The following GAB2 variants were observed in gnomAD, a reference collection of about 807,000 sequenced individuals.
The protein encoded by GAB2 is GRB2 associated binding protein 2, also known as GRB2-associated-binding protein 2.
GAB2 carries 26 observed loss-of-function variants against 65.5 expected under a neutral mutation model. That is an observed-to-expected ratio of 0.40 (90% CI 0.29 to 0.55). The LOEUF (loss-of-function observed/expected upper bound fraction) is 0.55, where lower values mean the gene tolerates loss of function less well. Ranked by LOEUF, GAB2 falls within the 20% of genes least tolerant of loss-of-function variation. GAB2 has a pLI of 0.53. For missense variants in GAB2, 884 were observed against 875.8 expected (o/e 1.01, Z -0.12); for synonymous variants, 321 against 329.6 (o/e 0.97, Z 0.28).
rs914195042 is a variant in GAB2 at position 78,414,966 on chromosome 11, G to C, written c.75+2680C>G. On this transcript the variant is annotated intron_variant, in intron 1 of 9. Coordinates refer to ENST00000361507, the MANE Select transcript of GAB2 (RefSeq NM_080491.3). ...GGCTCACTGCAACCTCAGCCTCCCGGGCTCACGCGATTCTCATGTCTCAGC... is the reference window on the plus strand; with the variant it reads ...GGCTCACTGCAACCTCAGCCTCCCGCGCTCACGCGATTCTCATGTCTCAGC... Among the ~76,000 whole-genome samples, 9 of 152,200 alleles carry C rather than the reference G, an allele frequency of 5.9e-5. No individual in the cohort carries two copies. The East Asian group carries it at 1.7e-3, about 29-fold the overall frequency.
intron 1 of GAB2, among the ~76,000 whole-genome samples, chr11:78,328,728 A>T (rs770820799): frequency 1.0e-4 from 15 of 143,542 alleles, no homozygotes; most frequent in Non-Finnish European, 1.8e-4. Context: ...AGGCAAAACT[A>T]ATCTATGGTA....
chr11:78,301,501 TG>T (rs1241882264), intron 1 of GAB2, among the ~76,000 whole-genome samples: 1 of 152,140 alleles, frequency 6.6e-6, no homozygotes, highest in Admixed American at 6.5e-5. Flanking sequence ...GGCTAATGTT[TG>T]TATTTTTCTT....
intron 3 of GAB2, among the ~76,000 whole-genome samples, chr11:78,236,631 A>C (rs1020443428): frequency 2.6e-5 from 4 of 152,230 alleles, no homozygotes; most frequent in Non-Finnish European, 4.4e-5. Flanking sequence ...AGTTTAAAGA[A>C]GTTCTCCTCA....
intron 1 of GAB2, among the ~76,000 whole-genome samples, chr11:78,324,440 T>C (rs1855786974): frequency 6.6e-6 from 1 of 152,172 alleles, no homozygotes; most frequent in African/African-American, 2.4e-5. Flanking sequence ...AGATTAAATA[T>C]TTAACATTCC....
chr11:78,231,133 G>A (rs1864832714), intron 3 of GAB2, among the ~76,000 whole-genome samples: 1 of 152,158 alleles, frequency 6.6e-6, no homozygotes, highest in South Asian at 2.1e-4. Context: ...ACAGTAAATG[G>A]CAGAGTTGGA....
At chr11:78,320,657 C>T (rs1747690222) in intron 1 of GAB2, among the ~76,000 whole-genome samples, 1 of 150,828 alleles carries the variant, frequency 6.6e-6, no homozygotes, top group Admixed American at 6.6e-5. Flanking sequence ...GGTGCTATGA[C>T]AGCTCACTGC....
intron 1 of GAB2, among the ~76,000 whole-genome samples, chr11:78,389,220 T>C (rs1591081973): frequency 6.6e-6 from 1 of 152,172 alleles, no homozygotes; most frequent in African/African-American, 2.4e-5. Flanking sequence ...CATTTTACTT[T>C]GGGAGAAACA....
At chr11:78,325,115 G>C (rs1316438650) in intron 1 of GAB2, among the ~76,000 whole-genome samples, 1 of 152,184 alleles carries the variant, frequency 6.6e-6, no homozygotes, top group South Asian at 2.1e-4. Context: ...GAACCTTAGA[G>C]ATGGAAGTAA....
At chr11:78,298,357 TGGA>T (rs1004332921) in intron 1 of GAB2, among the ~76,000 whole-genome samples, 2 of 152,290 alleles carry the variant, frequency 1.3e-5, no homozygotes, top group Admixed American at 6.5e-5. Context: ...CTCATTATGA[TGGA>T]GAAGAGAATC....
At chr11:78,358,326 A>G (rs1856388061) in intron 1 of GAB2, among the ~76,000 whole-genome samples, 1 of 150,850 alleles carries the variant, frequency 6.6e-6, no homozygotes, top group Non-Finnish European at 1.5e-5. Context: ...GGATAGCATT[A>G]GGAGATATAC....
At chr11:78,255,121 G>A (rs1271534834) in intron 2 of GAB2, among the ~76,000 whole-genome samples, 1 of 152,130 alleles carries the variant, frequency 6.6e-6, no homozygotes, top group Non-Finnish European at 1.5e-5. Flanking sequence ...CACAGAGACA[G>A]AGAAACACAA....
chr11:78,400,121 T>A (rs1027574910), intron 1 of GAB2, among the ~76,000 whole-genome samples: 2 of 152,184 alleles, frequency 1.3e-5, no homozygotes, highest in African/African-American at 2.4e-5. Flanking sequence ...GCTCTGAACT[T>A]TCAAAACTTC....
At chr11:78,273,235 T>C (rs1365007415) in intron 2 of GAB2, among the ~76,000 whole-genome samples, 4 of 152,164 alleles carry the variant, frequency 2.6e-5, no homozygotes, top group Non-Finnish European at 5.9e-5. Flanking sequence ...GAATGGTAGA[T>C]CCACTGACAG....
chr11:78,221,878 A>G lies in GAB2; in HGVS notation c.1659-99T>C, dbSNP rs1424424513. 5.3e-6 allele frequency: 4 copies of G among 758,174 alleles called. No individual in the cohort carries two copies. In the East Asian group the frequency reaches 7.8e-5, roughly 15 times the overall value. The allele number at this position is 758,174 out of a possible 1,614,324, so 47.0% of individuals were successfully genotyped here. A position where few individuals can be genotyped will look rare whatever the true frequency, so the allele number is the denominator to read the frequency against. On this transcript the variant is annotated intron_variant, in intron 7 of 9. Coordinates refer to ENST00000361507, the MANE Select transcript of GAB2 (RefSeq NM_080491.3). ...CCTGACCCTCACACACCCAGACCTC[A>G]GCCATTAGAGCTGCACACTCCATCA...
intron 1 of GAB2, among the ~76,000 whole-genome samples, chr11:78,383,612 G>T (rs1282752207): frequency 1.7e-5 from 2 of 119,650 alleles, no homozygotes; most frequent in African/African-American, 3.2e-5. Context: ...ACAAAAATTA[G>T]CCAGGTGTGG....
intron 2 of GAB2, among the ~76,000 whole-genome samples, chr11:78,255,401 C>A (rs1253100465): frequency 6.6e-6 from 1 of 152,160 alleles, no homozygotes; most frequent in African/African-American, 2.4e-5. Flanking sequence ...CCAATATATA[C>A]CATAAAACCT....
intron 1 of GAB2, among the ~76,000 whole-genome samples, chr11:78,297,754 T>C (rs1866877450): frequency 6.6e-6 from 1 of 152,166 alleles, no homozygotes; most frequent in Non-Finnish European, 1.5e-5. Flanking sequence ...AATCAATATA[T>C]TGGCAAATGA....
chr11:78,228,251 G>A (rs1864745963), intron 3 of GAB2, among the ~76,000 whole-genome samples: 2 of 152,346 alleles, frequency 1.3e-5, no homozygotes, highest in South Asian at 4.1e-4. Context: ...TGGGAAATTG[G>A]AGGGTGAGGT....
rs534814220 is a variant in GAB2, at chr11:78,383,581, C to CAAAAA, written c.75+34060_75+34064dup. Among the ~76,000 whole-genome samples, 240 of 55,528 alleles carry CAAAAA rather than the reference C, an allele frequency of 4.3e-3. 3 individuals are homozygous for CAAAAA. The highest frequency in any genetic ancestry group is 0.013 in the African/African-American group (197 of 15,540). The allele number at this position is 55,528 out of a possible 152,430, so 36.4% of individuals were successfully genotyped here. A position where few individuals can be genotyped will look rare whatever the true frequency, so the allele number is the denominator to read the frequency against. Reference sequence around the variant, plus strand: ...GCAACATGGCAAAACCCTGTCTCTCCAAAAAAAAAAAAAAAAAAATACAAA... The same window carrying CAAAAA: ...GCAACATGGCAAAACCCTGTCTCTCCAAAAAAAAAAAAAAAAAAAAAAAATACAAA... On this transcript the variant is annotated intron_variant, in intron 1 of 9. Transcript: ENST00000361507.
Sources: gnomAD v4.1 joint callset for allele counts (sites outside exome capture counted in the v4.1 genomes callset) on GRCh38, gnomAD v4.1.1 for gene constraint, MANE v1.5 for transcripts, NCBI Gene and HGNC (gene_info 2026-07-23, HGNC 2026-07-21) for gene names.